The following KIF1A variants were observed in gnomAD, a reference collection of about 807,000 sequenced individuals.
The protein encoded by KIF1A is kinesin-like protein KIF1A.
Under a neutral mutation model 227.3 loss-of-function variants are expected in KIF1A, and 46 were observed. That is an observed-to-expected ratio of 0.20 (90% CI 0.16 to 0.26). The LOEUF (loss-of-function observed/expected upper bound fraction) is 0.26. Ranked by LOEUF, KIF1A falls within the 10% of genes least tolerant of loss-of-function variation. The pLI is 1.00. For synonymous variants in KIF1A, 1,022 were observed against 1,012.8 expected, an observed-to-expected ratio of 1.01 and a Z score of -0.17; for missense variants, 1,683 against 2,485.9, an observed-to-expected ratio of 0.68 and a Z score of 6.87.
rs891691243 is a variant in KIF1A, at chr2:240,740,004, C to G, written c.3901+54G>C. 3 of 1,422,136 alleles carry G rather than the reference C, an allele frequency of 2.1e-6. No homozygotes were observed. The highest frequency in any genetic ancestry group is 2.9e-6 in the Non-Finnish European group (3 of 1,029,106). 88.1% of individuals were successfully genotyped at this position (1,422,136 alleles called of 1,614,324 possible). A position where few individuals can be genotyped will look rare whatever the true frequency, so the allele number is the denominator to read the frequency against. ...CCGGGTATCCAGCTCAGGGCCTGTA[C>G]TCTTCCCACCAGCTCAGCCCCACCC... On this transcript the variant is annotated intron_variant, in intron 37 of 48. Transcript: ENST00000498729. This position sits in a 1 kb window ranked among gnomAD's most constrained non-coding sequence, Gnocchi z 6.1.
chr2:240,814,238 G>A (rs915913490), intron 1 of KIF1A, among the ~76,000 whole-genome samples: 33 of 151,956 alleles, frequency 2.2e-4, no homozygotes, highest in East Asian at 1.9e-4. Context: ...CCTTACACCC[G>A]TCGACATGAA....
At position 240,786,734 on chromosome 2, in the gene KIF1A, T is replaced by C. The variant is rs1335263760; in HGVS notation, c.430-221A>G. Among the ~76,000 whole-genome samples the C allele has an allele frequency of 0.014, 505 of 35,908 alleles. 10 individuals carry two copies. Among genetic ancestry groups the C allele is most frequent in the African/African-American group, 0.051 (423 of 8,238 alleles). The allele number at this position is 35,908 out of a possible 152,430, so 23.6% of individuals were successfully genotyped here. A position where few individuals can be genotyped will look rare whatever the true frequency, so the allele number is the denominator to read the frequency against. On this transcript the variant is annotated intron_variant, in intron 5 of 48. Transcript: ENST00000498729. ...GACCCCTGAGTGAGGGGGTGGGGGC[T>C]GCCTGCTGGGCCCCTGAGTGAGAGG...
At chr2:240,767,205 C>A in intron 18 of KIF1A, 61 bp downstream of exon 18, 12 of 1,422,528 alleles carry the variant, frequency 8.4e-6, no homozygotes, top group African/African-American at 1.4e-5. Flanking sequence ...GGGAGTCCAG[C>A]CTTCCCCTGC....
chr2:240,784,877 C>T (rs1316694687), intron 7 of KIF1A, 112 bp downstream of exon 7: 4 of 851,944 alleles, frequency 4.7e-6, no homozygotes, highest in East Asian at 4.9e-5. Context: ...CCGCCCTGCA[C>T]AGGCCAGCAT....
Position 240,719,856 on chromosome 2 carries a change from G to A in KIF1A, c.4939C>T (p.Leu1647Phe). 2 of 1,612,118 alleles carry A rather than the reference G, an allele frequency of 1.2e-6. No individual in the cohort carries two copies. Among genetic ancestry groups the A allele is most frequent in the Non-Finnish European group, 1.7e-6 (2 of 1,179,420 alleles). The stretch of plus-strand genomic sequence containing the variant: ...TCTGTTGCCCGGGCAGGGGAAGGGA[G>A]CTTCTTGGAGTCGGCCTCTGGCAGC... ...ELLPEADSKK[L>F]PSPARATETD... Residue 1647 changes from leucine (L) to phenylalanine (F), a missense_variant, in exon 46 of 49, where the codon CTC becomes TTC. Physicochemically the swap from Leu to Phe is conservative, Grantham distance 22. Transcript: ENST00000498729.
In KIF1A at chr2:240,789,968, C is replaced by T. The variant is rs1421175398; in HGVS notation, c.107-656G>A. On this transcript the variant is annotated intron_variant, in intron 2 of 48. Coordinates refer to ENST00000498729, the MANE Select transcript of KIF1A (RefSeq NM_001244008.2). The surrounding 1 kb of genome is among the most constrained non-coding windows in gnomAD (Gnocchi z 4.8). ...ACAAATCCATGAACACGTGATGATG[C>T]CCCCGCCCACAGCCGGTGCCTGGGG... 6.6e-6 allele frequency among the ~76,000 whole-genome samples: 1 copy of T among 152,130 alleles called. No individual in the cohort carries two copies. The highest frequency in any genetic ancestry group is 6.5e-5 in the Admixed American group (1 of 15,286).
Position 240,766,937 on chromosome 2 carries a change from G to C in KIF1A, c.1662C>G (p.Ser554Arg). The C allele has an allele frequency of 6.2e-7, 1 of 1,610,870 alleles. No homozygotes were observed. Among genetic ancestry groups the C allele is most frequent in the Non-Finnish European group, 8.5e-7 (1 of 1,178,868 alleles). Residue 554 changes from serine to arginine, a missense_variant, in exon 19 of 49, where the codon AGC becomes AGG. Ser to Arg is a moderately radical substitution (Grantham distance 110). Around this residue, in one of 12 missense-constraint regions of KIF1A, gnomAD observed 217 missense variants for 427.0 expected, o/e 0.51. Transcript: ENST00000498729. This position sits in a 1 kb window ranked among gnomAD's most constrained non-coding sequence, Gnocchi z 5.0. Reference sequence around the variant, plus strand: ...TACCTTCGCTGCCTCCCCTGGAGTCGCTCCGGAAGACGCAGTGCTCCTCCT... The same window carrying C: ...TACCTTCGCTGCCTCCCCTGGAGTCCCTCCGGAAGACGCAGTGCTCCTCCT... ...FIKEEHCVFRSDSRGGSEAVV... is the reference protein window; with the variant it reads ...FIKEEHCVFRRDSRGGSEAVV...
Position 240,752,817 on chromosome 2 carries a change from G to A in KIF1A, c.2859-2270C>T, listed in dbSNP as rs1399346684. Reference sequence around the variant, plus strand: ...CCACTCTGCAGGAAGCCCATGGGGTGGTGCTCGGAGAGGGGGCAGGACCTG... The same window carrying A: ...CCACTCTGCAGGAAGCCCATGGGGTAGTGCTCGGAGAGGGGGCAGGACCTG... On this transcript the variant is annotated intron_variant, in intron 27 of 48. Coordinates refer to ENST00000498729, the MANE Select transcript of KIF1A (RefSeq NM_001244008.2). This position sits in a 1 kb window ranked among gnomAD's most constrained non-coding sequence, Gnocchi z 6.4. Among the ~76,000 whole-genome samples the A allele has an allele frequency of 6.6e-6, 1 of 152,156 alleles. No homozygotes were observed. Among genetic ancestry groups the A allele is most frequent in the Non-Finnish European group, 1.5e-5 (1 of 68,018 alleles).
intron 1 of KIF1A, among the ~76,000 whole-genome samples, chr2:240,819,786 T>G (rs2058597778): frequency 6.6e-6 from 1 of 151,562 alleles, no homozygotes; most frequent in Non-Finnish European, 1.5e-5. Flanking sequence ...GGTATCCCGA[T>G]CCCGCCGGCC....
At position 240,789,460 on chromosome 2, in the gene KIF1A, C is replaced by G; in HGVS notation, c.107-148G>C. ...AAATTGGAGGGGACCTAGGACCCCACTCCCAGGCAGATGAGCTGTCTCTGC... is the reference window on the plus strand; with the variant it reads ...AAATTGGAGGGGACCTAGGACCCCAGTCCCAGGCAGATGAGCTGTCTCTGC... On this transcript the variant is annotated intron_variant, in intron 2 of 48. Coordinates refer to ENST00000498729, the MANE Select transcript of KIF1A (RefSeq NM_001244008.2). The surrounding 1 kb of genome is among the most constrained non-coding windows in gnomAD (Gnocchi z 4.8). The G allele has an allele frequency of 1.5e-6, 1 of 653,716 alleles. No homozygotes were observed. Among genetic ancestry groups the G allele is most frequent in the Non-Finnish European group, 2.8e-6 (1 of 362,326 alleles). The allele number at this position is 653,716 out of a possible 1,614,324, so 40.5% of individuals were successfully genotyped here. A position where few individuals can be genotyped will look rare whatever the true frequency, so the allele number is the denominator to read the frequency against.
chr2:240,778,119 T>C lies in KIF1A; in HGVS notation c.883-2193A>G, dbSNP rs144002227. 3.8e-4 allele frequency among the ~76,000 whole-genome samples: 57 copies of C among 151,944 alleles called. 1 individual carries two copies. In the East Asian group the frequency reaches 0.011, roughly 30 times the overall value. On this transcript the variant is annotated intron_variant, in intron 10 of 48. Transcript: ENST00000498729. This position sits in a 1 kb window ranked among gnomAD's most constrained non-coding sequence, Gnocchi z 7.2. Reference sequence around the variant, plus strand: ...ACACGGTTCTTCACGCAGCTCCTCCTGCTTCCCCCTTTATTCCTCCATTCA... The same window carrying C: ...ACACGGTTCTTCACGCAGCTCCTCCCGCTTCCCCCTTTATTCCTCCATTCA...
Position 240,778,992 on chromosome 2 carries a change from C to T in KIF1A, c.883-3066G>A, listed in dbSNP as rs557000109. On this transcript the variant is annotated intron_variant, in intron 10 of 48. Coordinates refer to ENST00000498729, the MANE Select transcript of KIF1A (RefSeq NM_001244008.2). This position sits in a 1 kb window ranked among gnomAD's most constrained non-coding sequence, Gnocchi z 7.2. ...GCTCCTCACGGGTCCCCAACAGCAC[C>T]TCCATGTTCCCACCCAGTTCCACAC... Among the ~76,000 whole-genome samples the T allele has an allele frequency of 1.1e-4, 17 of 152,298 alleles. No homozygotes were observed. The highest frequency in any genetic ancestry group is 3.9e-4 in the African/African-American group (16 of 41,542).
chr2:240,724,216 C>G, intron 40 of KIF1A, 180 bp from the exon 41 acceptor site: 1 of 639,486 alleles, frequency 1.6e-6, no homozygotes, highest in South Asian at 1.8e-5. Context: ...CTCCCTCCGG[C>G]CCCCAGAGAA....
intron 38 of KIF1A, chr2:240,734,835 G>T: frequency 1.1e-6 from 1 of 902,304 alleles, no homozygotes; most frequent in South Asian, 1.4e-5. Flanking sequence ...GCGGCCTGTG[G>T]CCACAGGCCC....
At chr2:240,731,700 C>T (rs1322849189) in intron 38 of KIF1A, among the ~76,000 whole-genome samples, 18 of 152,190 alleles carry the variant, frequency 1.2e-4, no homozygotes, top group Admixed American at 1.2e-3. Context: ...CTCAGGCAAG[C>T]TCACTGTTTC....
chr2:240,789,600 C>T lies in KIF1A; in HGVS notation c.107-288G>A, dbSNP rs1234691731. On this transcript the variant is annotated intron_variant, in intron 2 of 48. Coordinates refer to ENST00000498729, the MANE Select transcript of KIF1A (RefSeq NM_001244008.2). The surrounding 1 kb of genome is among the most constrained non-coding windows in gnomAD (Gnocchi z 4.8). ...TGCAACTGGCTCCCCTCAAAGGCAG[C>T]CACCCGGGGAGGATCCTTCCCACCT... 6.6e-6 allele frequency among the ~76,000 whole-genome samples: 1 copy of T among 152,158 alleles called. No individual in the cohort carries two copies. Among genetic ancestry groups the T allele is most frequent in the Non-Finnish European group, 1.5e-5 (1 of 68,012 alleles).
chr2:240,806,115 C>T (rs1333550388), intron 1 of KIF1A, among the ~76,000 whole-genome samples: 4 of 152,230 alleles, frequency 2.6e-5, no homozygotes, highest in Non-Finnish European at 4.4e-5. Context: ...ACTAGGTGAG[C>T]CCTGTGATCA....
intron 40 of KIF1A, chr2:240,724,931 C>CGGGGGGGGGG (rs1390537317): frequency 2.4e-5 from 1 of 41,924 alleles, no homozygotes; most frequent in African/African-American, 1.0e-4. Context: ...AGGTCACCGG[C>CGGGGGGGGGG]GGCGGGGGGG....
rs1217494674 is a variant in KIF1A at position 240,715,975 on chromosome 2, T to TA, written c.*1388dup. ...CTGTGGGTGTGGGTGGGGAGGGCCC[T>TA]AAAACCTCCCTAGGCCTCTGGACAT... On this transcript the variant is annotated 3_prime_UTR_variant, in exon 49 of 49. Coordinates refer to ENST00000498729, the MANE Select transcript of KIF1A (RefSeq NM_001244008.2). 1.3e-5 allele frequency: 2 copies of TA among 152,194 alleles called. No homozygotes were observed. Among genetic ancestry groups the TA allele is most frequent in the African/African-American group, 2.4e-5 (1 of 41,378 alleles). The allele number at this position is 152,194 out of a possible 1,614,324, so 9.4% of individuals were successfully genotyped here.
Sources: allele counts gnomAD v4.1 joint callset (sites outside exome capture counted in the v4.1 genomes callset), GRCh38; gene constraint gnomAD v4.1.1; regional missense constraint gnomAD v4.1.1; non-coding constraint Gnocchi (gnomAD v3.1); transcripts MANE v1.5; gene names NCBI Gene and HGNC (gene_info 2026-07-23, HGNC 2026-07-21).